FAH: variants seen among roughly 807,000 people sequenced by gnomAD.
FAH encodes the protein fumarylacetoacetate hydrolase.
FAH carries 47 observed loss-of-function variants against 55.8 expected under a neutral mutation model. The observed-to-expected ratio is 0.84, with a 90% CI of 0.67 to 1.07. FAH has a LOEUF of 1.07. Among genes scored for constraint, FAH ranks in the 50% least tolerant of loss-of-function variants. The pLI is 0.00. For synonymous variants in FAH, 199 were observed against 207.7 expected, an observed-to-expected ratio of 0.96 and a Z score of 0.36; for missense variants, 495 against 545.9, an observed-to-expected ratio of 0.91 and a Z score of 0.93.
chr15:80,182,130 G>C (rs1481875063), intron 13 of FAH, among the ~76,000 whole-genome samples: 1 of 152,088 alleles, frequency 6.6e-6, no homozygotes, highest in East Asian at 1.9e-4. Context: ...TCTTTGTCTT[G>C]TGGCCACATC....
intron 13 of FAH, among the ~76,000 whole-genome samples, chr15:80,185,229 G>A (rs8039712): frequency 0.067 from 10,244 of 152,216 alleles, 406 homozygotes; most frequent in East Asian, 0.087. Flanking sequence ...CATAATGGTT[G>A]TAATGACTGA....
rs1555440094 is a variant in FAH, at chr15:80,153,171, G to GGGGAGTGGAGTGGAGT, written c.81+38_81+39insGAGTGGAGTGGAGTGG. ...GGGCTTTGGCGTCCGGGCGCGGGGA[G>GGGGAGTGGAGTGGAGT]GGAGTGGAGTGGAGTGGAGTGGAGT... On this transcript the variant is annotated intron_variant, in intron 1 of 13. Transcript: ENST00000561421. 1,504 of 1,250,178 alleles carry GGGGAGTGGAGTGGAGT rather than the reference G, an allele frequency of 1.2e-3. 42 individuals carry two copies. The African/African-American group carries it at 0.021, about 18-fold the overall frequency. 77.4% of individuals were successfully genotyped at this position (1,250,178 alleles called of 1,614,324 possible). A position where few individuals can be genotyped will look rare whatever the true frequency, so the allele number is the denominator to read the frequency against.
chr15:80,174,014 T>C (rs2041262711), intron 9 of FAH, among the ~76,000 whole-genome samples: 1 of 152,222 alleles, frequency 6.6e-6, no homozygotes, highest in African/African-American at 2.4e-5. Flanking sequence ...ATCTCATGTT[T>C]GCTGTGCTAC....
chr15:80,180,966 G>A (rs1334471098), intron 12 of FAH, 76 bp from the exon 13 acceptor site: 3 of 1,237,704 alleles, frequency 2.4e-6, no homozygotes, highest in Admixed American at 3.4e-5. Context: ...GGACTCCCAG[G>A]TCTTGCTGAG....
rs920412337 is a variant in FAH, at chr15:80,178,795, A to G, written c.960+1212A>G. Among the ~76,000 whole-genome samples, 6 of 151,442 alleles carry G rather than the reference A, an allele frequency of 4.0e-5. No homozygotes were observed. In the East Asian group the frequency reaches 5.8e-4, roughly 15 times the overall value. ...AGTGGAGATGGGGTTTCACCATGTTAGCCAGGATGGTCTCGATCTCCTGAC... is the reference window on the plus strand; with the variant it reads ...AGTGGAGATGGGGTTTCACCATGTTGGCCAGGATGGTCTCGATCTCCTGAC... On this transcript the variant is annotated intron_variant, in intron 11 of 13. Transcript: ENST00000561421.
intron 5 of FAH, among the ~76,000 whole-genome samples, chr15:80,165,198 C>T (rs1190548903): frequency 6.6e-6 from 1 of 152,108 alleles, no homozygotes. Context: ...TGAGACCAGC[C>T]TGGCCAATAT....
chr15:80,170,587 C>T (rs2041232196), intron 7 of FAH, among the ~76,000 whole-genome samples: 2 of 152,228 alleles, frequency 1.3e-5, no homozygotes, highest in African/African-American at 4.8e-5. Flanking sequence ...TGAGATTCAT[C>T]AGAGCAGGGC....
intron 13 of FAH, among the ~76,000 whole-genome samples, chr15:80,181,526 G>A (rs1362925576): frequency 4.6e-5 from 7 of 152,120 alleles, no homozygotes; most frequent in East Asian, 1.9e-4. Context: ...CTGAGGCTTC[G>A]CAGCAGCCTG....
chr15:80,186,102 G>A, intron 13 of FAH, 28 bp from the exon 14 acceptor site: 1 of 1,605,880 alleles, frequency 6.2e-7, no homozygotes, highest in Non-Finnish European at 8.5e-7. Context: ...GCAACTTTGT[G>A]ACTGATCCTT....
intron 11 of FAH, among the ~76,000 whole-genome samples, chr15:80,178,426 A>T (rs1348174613): frequency 6.6e-6 from 1 of 152,026 alleles, no homozygotes; most frequent in Non-Finnish European, 1.5e-5. Context: ...TTTCAGTTTT[A>T]TAGAAATGGC....
intron 5 of FAH, among the ~76,000 whole-genome samples, chr15:80,164,836 A>G (rs147262940): frequency 1.3e-5 from 2 of 152,364 alleles, no homozygotes; most frequent in Non-Finnish European, 2.9e-5. Context: ...ACTACTTTGA[A>G]CAAGTTGGAT....
chr15:80,166,729 C>T (rs1249065893), intron 5 of FAH, among the ~76,000 whole-genome samples: 1 of 151,390 alleles, frequency 6.6e-6, no homozygotes, highest in East Asian at 1.9e-4. Flanking sequence ...CTTCGCCTCC[C>T]AGGTTCACGC....
At chr15:80,168,353 T>C in intron 7 of FAH, 37 bp downstream of exon 7, 1 of 1,607,442 alleles carries the variant, frequency 6.2e-7, no homozygotes, top group Non-Finnish European at 8.5e-7. Context: ...ATGGGATCTA[T>C]AGACACCCGG....
At chr15:80,159,993 G>T in intron 3 of FAH, 116 bp downstream of exon 3, 1 of 1,360,972 alleles carries the variant, frequency 7.3e-7, no homozygotes, top group African/African-American at 1.4e-5. Context: ...GGCCAAGTCA[G>T]ACCTGCCCTC....
At chr15:80,167,096 C>T (rs1415168460) in intron 5 of FAH, 2 of 151,216 alleles carry the variant, frequency 1.3e-5, no homozygotes, top group Non-Finnish European at 2.9e-5. Context: ...TTTGTTTGTA[C>T]ATTTAGATCT....
intron 5 of FAH, among the ~76,000 whole-genome samples, chr15:80,164,126 T>A (rs1272913353): frequency 6.6e-6 from 1 of 152,238 alleles, no homozygotes; most frequent in Non-Finnish European, 1.5e-5. Flanking sequence ...CACAAATATA[T>A]TCTCTTCTAG....
chr15:80,156,134 T>A (rs12593724), intron 1 of FAH: 1 of 264,520 alleles, frequency 3.8e-6, no homozygotes, highest in African/African-American at 2.3e-5. Flanking sequence ...TGCTAAGTAA[T>A]GGGTGCCTTC....
intron 4 of FAH, 45 bp from the exon 5 acceptor site, chr15:80,162,201 G>C: frequency 6.9e-7 from 1 of 1,444,944 alleles, no homozygotes; most frequent in Non-Finnish European, 9.7e-7. Context: ...TTCTTCCTGA[G>C]GCATGTGGGT....
intron 10 of FAH, among the ~76,000 whole-genome samples, chr15:80,176,540 C>T (rs537799272): frequency 3.2e-4 from 48 of 152,310 alleles, no homozygotes; most frequent in Admixed American, 7.8e-4. Context: ...GTGCTGGGCC[C>T]GCTCTTTCAG....
Sources: gnomAD v4.1 joint callset for allele counts (sites outside exome capture counted in the v4.1 genomes callset) on GRCh38, gnomAD v4.1.1 for gene constraint, MANE v1.5 for transcripts, NCBI Gene and HGNC (gene_info 2026-07-23, HGNC 2026-07-21) for gene names.